BICD1: variants seen among roughly 807,000 people sequenced by gnomAD.
BICD1 encodes the protein protein bicaudal D homolog 1.
In BICD1, 35 loss-of-function variants were observed where a neutral mutation model predicts 92.5. That is an observed-to-expected ratio of 0.38 (90% CI 0.29 to 0.50). The LOEUF (loss-of-function observed/expected upper bound fraction) is 0.50, where lower values mean the gene tolerates loss of function less well. BICD1 is among the 20% of genes least tolerant of loss of function. The pLI is 0.93. For missense variants in BICD1, 950 were observed against 1,189.8 expected, an observed-to-expected ratio of 0.80 and a Z score of 2.97; for synonymous variants, 429 against 465.1, an observed-to-expected ratio of 0.92 and a Z score of 1.00.
chr12:32,322,084 C>T (rs1948675678), intron 4 of BICD1, among the ~76,000 whole-genome samples: 1 of 151,976 alleles, frequency 6.6e-6, no homozygotes. Context: ...GTACTCTAAG[C>T]CTTAATAGCT....
At chr12:32,194,722 A>G (rs1944676977) in intron 1 of BICD1, among the ~76,000 whole-genome samples, 1 of 151,642 alleles carries the variant, frequency 6.6e-6, no homozygotes, top group Non-Finnish European at 1.5e-5. Context: ...TCTCTACTAA[A>G]AATACAAAAA....
chr12:32,189,830 CTGGGA>C (rs1471171534), intron 1 of BICD1, among the ~76,000 whole-genome samples: 5 of 151,800 alleles, frequency 3.3e-5, no homozygotes, highest in African/African-American at 1.2e-4. Context: ...TCCCGAGTAG[CTGGGA>C]CTACAGGCAC....
intron 1 of BICD1, among the ~76,000 whole-genome samples, chr12:32,170,443 A>T (rs1421231980): frequency 1.3e-5 from 2 of 152,242 alleles, no homozygotes; most frequent in Non-Finnish European, 2.9e-5. Context: ...CATTACTTAT[A>T]TAAAAAGACC....
intron 1 of BICD1, among the ~76,000 whole-genome samples, chr12:32,153,607 C>T (rs1463244568): frequency 6.6e-6 from 1 of 152,004 alleles, no homozygotes; most frequent in Non-Finnish European, 1.5e-5. Context: ...AAATACAAAA[C>T]TAGCCAGGCA....
At chr12:32,118,283 G>A (rs1028701854) in intron 1 of BICD1, among the ~76,000 whole-genome samples, 3 of 151,106 alleles carry the variant, frequency 2.0e-5, no homozygotes, top group Non-Finnish European at 4.4e-5. Flanking sequence ...GGGTTTCACC[G>A]TGTTAGCCAG....
chr12:32,125,883 A>G (rs1037456043), intron 1 of BICD1, among the ~76,000 whole-genome samples: 27 of 151,656 alleles, frequency 1.8e-4, no homozygotes, highest in African/African-American at 6.1e-4. Context: ...CTCTAAAAAA[A>G]AAAAAAAATG....
At chr12:32,342,416 G>C (rs187238966) in intron 8 of BICD1, among the ~76,000 whole-genome samples, 31 of 151,308 alleles carry the variant, frequency 2.0e-4, no homozygotes, top group Admixed American at 1.6e-3. Flanking sequence ...CACCACACCT[G>C]GCTAATTTTT....
chr12:32,291,339 CCAG>C (rs1947721209), intron 2 of BICD1, among the ~76,000 whole-genome samples: 1 of 151,920 alleles, frequency 6.6e-6, no homozygotes, highest in Non-Finnish European at 1.5e-5. Context: ...GCATTCGAGA[CCAG>C]CTTAGGCAAC....
At chr12:32,285,949 C>T (rs1007791343) in intron 2 of BICD1, among the ~76,000 whole-genome samples, 1 of 152,178 alleles carries the variant, frequency 6.6e-6, no homozygotes, top group Non-Finnish European at 1.5e-5. Context: ...AGAATATAAT[C>T]GCTGGCAATT....
rs1232948822 is a variant in BICD1, at chr12:32,234,614, G to A, written c.426+18155G>A. On this transcript the variant is annotated intron_variant, in intron 2 of 9. Coordinates refer to ENST00000652176, the MANE Select transcript of BICD1 (RefSeq NM_001714.4). Reference sequence around the variant, plus strand: ...TCCGTCTCAAAAAAAAAAAAAGAAAGAAAGAAAGAAAGAAAGAAAAGCAGA... The same window carrying A: ...TCCGTCTCAAAAAAAAAAAAAGAAAAAAAGAAAGAAAGAAAGAAAAGCAGA... Among the ~76,000 whole-genome samples, 490 of 134,466 alleles carry A rather than the reference G, an allele frequency of 3.6e-3. 3 individuals are homozygous for A. Among genetic ancestry groups the A allele is most frequent in the African/African-American group, 0.014 (463 of 33,078 alleles). 88.2% of individuals were successfully genotyped at this position (134,466 alleles called of 152,430 possible). A position where few individuals can be genotyped will look rare whatever the true frequency, so the allele number is the denominator to read the frequency against.
chr12:32,276,319 A>G (rs1478259666), intron 2 of BICD1, among the ~76,000 whole-genome samples: 5 of 152,270 alleles, frequency 3.3e-5, no homozygotes, highest in Non-Finnish European at 7.4e-5. Context: ...CCTCCCCAAC[A>G]GCACTTGGGT....
At chr12:32,205,258 GTGTCCCT>G (rs1379811158) in intron 1 of BICD1, among the ~76,000 whole-genome samples, 2 of 152,108 alleles carry the variant, frequency 1.3e-5, no homozygotes, top group Non-Finnish European at 2.9e-5. Flanking sequence ...CCACTTAGTA[GTGTCCCT>G]TCAACTGAGA....
chr12:32,271,236 A>G (rs889054995), intron 2 of BICD1, among the ~76,000 whole-genome samples: 1 of 152,170 alleles, frequency 6.6e-6, no homozygotes, highest in Non-Finnish European at 1.5e-5. Context: ...GCTGGAGGCT[A>G]TGGCCCCTTA....
At chr12:32,366,112 G>A (rs1692294150) in intron 8 of BICD1, among the ~76,000 whole-genome samples, 1 of 152,148 alleles carries the variant, frequency 6.6e-6, no homozygotes, top group African/African-American at 2.4e-5. Flanking sequence ...ATTCTACTTT[G>A]CATCACAAAC....
chr12:32,360,489 C>A (rs1939283924), intron 8 of BICD1, among the ~76,000 whole-genome samples: 1 of 152,170 alleles, frequency 6.6e-6, no homozygotes, highest in Non-Finnish European at 1.5e-5. Flanking sequence ...ATTACAAATG[C>A]TCTCTATAGA....
intron 1 of BICD1, among the ~76,000 whole-genome samples, chr12:32,120,131 T>A (rs955152429): frequency 6.6e-6 from 1 of 152,248 alleles, no homozygotes; most frequent in Non-Finnish European, 1.5e-5. Flanking sequence ...TTATTCTGTT[T>A]GCAGTTTTTA....
chr12:32,320,094 T>A (rs1948609447), intron 4 of BICD1, among the ~76,000 whole-genome samples: 1 of 152,224 alleles, frequency 6.6e-6, no homozygotes, highest in South Asian at 2.1e-4. Context: ...ATATGCATTA[T>A]CAGAGTTGTT....
chr12:32,152,737 G>A (rs1943324558), intron 1 of BICD1, among the ~76,000 whole-genome samples: 1 of 152,054 alleles, frequency 6.6e-6, no homozygotes, highest in Non-Finnish European at 1.5e-5. Context: ...ATTTCTATAG[G>A]CATATGTCAT....
chr12:32,107,102 C>T lies in BICD1; in HGVS notation c.-230C>T, dbSNP rs1043508960. On this transcript the variant is annotated 5_prime_UTR_variant, in exon 1 of 10. Coordinates refer to ENST00000652176, the MANE Select transcript of BICD1 (RefSeq NM_001714.4). ...ACACATGCGGCGGCCTTTGCCGCCT[C>T]GCCCCTGACCCTCTGCCCTGTTCTC... The T allele has an allele frequency of 7.5e-6, 4 of 534,156 alleles. No individual in the cohort carries two copies. The highest frequency in any genetic ancestry group is 5.7e-5 in the African/African-American group (3 of 52,294). The allele number at this position is 534,156 out of a possible 1,614,324, so 33.1% of individuals were successfully genotyped here.
Sources: allele counts gnomAD v4.1 joint callset (sites outside exome capture counted in the v4.1 genomes callset), GRCh38; gene constraint gnomAD v4.1.1; transcripts MANE v1.5; gene names NCBI Gene and HGNC (gene_info 2026-07-23, HGNC 2026-07-21).